Variants in YIPF1 observed in about 807,000 individuals in gnomAD.
YIPF1 encodes the protein protein YIPF1.
In YIPF1, 22 loss-of-function variants were observed where a neutral mutation model predicts 37.0. That is an observed-to-expected ratio of 0.59 (90% CI 0.42 to 0.85). The LOEUF (loss-of-function observed/expected upper bound fraction) is 0.85. YIPF1 is among the 40% of genes least tolerant of loss of function. YIPF1 has a pLI of 0.00. For synonymous variants in YIPF1, 128 were observed against 131.9 expected, an observed-to-expected ratio of 0.97 and a Z score of 0.21; for missense variants, 355 against 373.1, an observed-to-expected ratio of 0.95 and a Z score of 0.40.
At chr1:53,867,991 C>T (rs1429550058) in intron 7 of YIPF1, among the ~76,000 whole-genome samples, 2 of 152,168 alleles carry the variant, frequency 1.3e-5, no homozygotes, top group South Asian at 2.1e-4. Context: ...ATGGCACCAG[C>T]CCTTTCTACA....
intron 7 of YIPF1, among the ~76,000 whole-genome samples, chr1:53,867,270 T>C (rs1169792195): frequency 6.6e-6 from 1 of 152,172 alleles, no homozygotes; most frequent in Non-Finnish European, 1.5e-5. Flanking sequence ...ACTGCAAATG[T>C]TCATATATAG....
At chr1:53,875,743 C>T (rs1474427907) in intron 6 of YIPF1, among the ~76,000 whole-genome samples, 1 of 152,192 alleles carries the variant, frequency 6.6e-6, no homozygotes, top group Non-Finnish European at 1.5e-5. Context: ...GGCCTTTGCA[C>T]TTGCTGATCC....
Position 53,860,125 on chromosome 1 carries a change from T to C in YIPF1, c.860A>G (p.Asp287Gly). The C allele has an allele frequency of 6.2e-7, 1 of 1,614,098 alleles. No homozygotes were observed. The highest frequency in any genetic ancestry group is 8.5e-7 in the Non-Finnish European group (1 of 1,179,992). The part of the protein sequence containing the change: ...LAYFFDAPEM[D>G]HLPTTTATPN... The stretch of plus-strand genomic sequence containing the variant: ...AGTAGCTGTAGTTGTTGGGAGATGG[T>C]CCATCTCTGGTGCATCAAAAAAGTA... The change falls in exon 10 of 11, where the codon GAC becomes GGC. Residue 287 changes from aspartate to glycine, a missense_variant. By Grantham distance (94) the Asp-to-Gly change is moderately conservative. Coordinates refer to ENST00000072644, the MANE Select transcript of YIPF1 (RefSeq NM_018982.5).
chr1:53,869,002 A>T (rs919388400), intron 7 of YIPF1, among the ~76,000 whole-genome samples: 4 of 152,182 alleles, frequency 2.6e-5, no homozygotes, highest in African/African-American at 9.7e-5. Context: ...ATATTTACTG[A>T]ATTAAACTCA....
At chr1:53,886,261 G>C (rs968616381) in intron 3 of YIPF1, among the ~76,000 whole-genome samples, 1 of 151,880 alleles carries the variant, frequency 6.6e-6, no homozygotes, top group African/African-American at 2.4e-5. Context: ...GTGATGGAGG[G>C]ACAGTGACGG....
chr1:53,866,848 T>C lies in YIPF1; in HGVS notation c.558A>G (p.Arg186=). The change falls in exon 8 of 11, where the codon AGA becomes AGG. Residue 186 remains arginine (R), a synonymous_variant. Transcript: ENST00000072644. ...AGACGATGTTCATAACTTTGCTGTTTCTCCACATGAGGAAACCCCAGAGTG... is the reference window on the plus strand; with the variant it reads ...AGACGATGTTCATAACTTTGCTGTTCCTCCACATGAGGAAACCCCAGAGTG... ...PLALWGFLMW[R]NSKVMNIVSY... is the part of the protein sequence containing the mutation. The C allele has an allele frequency of 6.2e-7, 1 of 1,614,170 alleles. No homozygotes were observed. Among genetic ancestry groups the C allele is most frequent in the Non-Finnish European group, 8.5e-7 (1 of 1,180,020 alleles).
chr1:53,873,075 T>C (rs986007941), intron 6 of YIPF1, among the ~76,000 whole-genome samples: 2 of 152,176 alleles, frequency 1.3e-5, no homozygotes, highest in Non-Finnish European at 2.9e-5. Flanking sequence ...AATACCCAAA[T>C]AACTAGAAAA....
In YIPF1 at chr1:53,872,272, T is replaced by C. The variant is rs112472656; in HGVS notation, c.365-784A>G. On this transcript the variant is annotated intron_variant, in intron 6 of 10. Coordinates refer to ENST00000072644, the MANE Select transcript of YIPF1 (RefSeq NM_018982.5). ...GTAAGCAGTTTCTGATGAAACCTGC[T>C]AGGAATATTCCACTCATGTATATAA... 1.9e-3 allele frequency among the ~76,000 whole-genome samples: 285 copies of C among 152,264 alleles called. 1 individual carries two copies. Among genetic ancestry groups the C allele is most frequent in the African/African-American group, 6.6e-3 (274 of 41,542 alleles).
At chr1:53,869,757 C>T (rs1407393659) in intron 7 of YIPF1, among the ~76,000 whole-genome samples, 1 of 152,124 alleles carries the variant, frequency 6.6e-6, no homozygotes, top group Non-Finnish European at 1.5e-5. Context: ...CCAATACTGA[C>T]ATAAGAAAGG....
At chr1:53,874,977 T>C (rs1650296961) in intron 6 of YIPF1, among the ~76,000 whole-genome samples, 1 of 152,188 alleles carries the variant, frequency 6.6e-6, no homozygotes, top group Non-Finnish European at 1.5e-5. Context: ...TATTTGCTAT[T>C]ACAAGCAATA....
intron 6 of YIPF1, among the ~76,000 whole-genome samples, chr1:53,876,844 T>C (rs115448697): frequency 0.067 from 10,275 of 152,304 alleles, 479 homozygotes; most frequent in Non-Finnish European, 0.096. Context: ...TATATGTGTG[T>C]TTGCCATTAT....
At chr1:53,883,040 C>T in intron 4 of YIPF1, 73 bp downstream of exon 4, 2 of 1,482,180 alleles carry the variant, frequency 1.3e-6, no homozygotes, top group Middle Eastern at 2.4e-4. Flanking sequence ...ACCTGGCACA[C>T]AGTAGACAGT....
intron 3 of YIPF1, among the ~76,000 whole-genome samples, chr1:53,885,460 A>T (rs1360271374): frequency 6.6e-6 from 1 of 152,152 alleles, no homozygotes; most frequent in Non-Finnish European, 1.5e-5. Flanking sequence ...GTGAGCCGAG[A>T]TCGCACCACT....
At chr1:53,867,050 G>A (rs1650049791) in intron 7 of YIPF1, 126 bp from the exon 8 acceptor site, 7 of 1,117,556 alleles carry the variant, frequency 6.3e-6, no homozygotes, top group Non-Finnish European at 8.7e-6. Context: ...ACGGAATCAT[G>A]TCTTACTGGT....
chr1:53,866,929 G>C lies in YIPF1; in HGVS notation c.482-5C>G. 6.2e-7 allele frequency: 1 copy of C among 1,605,504 alleles called. No individual in the cohort carries two copies. The highest frequency in any genetic ancestry group is 1.1e-5 in the South Asian group (1 of 89,598). ...TGATGGTAGCTGCTATGGACACTGAGGATGACAGGACACAAGTTTCAATCT... is the reference window on the plus strand; with the variant it reads ...TGATGGTAGCTGCTATGGACACTGACGATGACAGGACACAAGTTTCAATCT... On this transcript the variant is annotated splice_polypyrimidine_tract_variant and splice_region_variant and intron_variant, in intron 7 of 10. Transcript: ENST00000072644.
intron 6 of YIPF1, among the ~76,000 whole-genome samples, chr1:53,872,187 C>G (rs1650210614): frequency 6.6e-6 from 1 of 152,064 alleles, no homozygotes; most frequent in Non-Finnish European, 1.5e-5. Context: ...TGGAGAACAG[C>G]AAGATCCACT....
chr1:53,862,311 T>C (rs1649904802), intron 9 of YIPF1, among the ~76,000 whole-genome samples: 1 of 152,206 alleles, frequency 6.6e-6, no homozygotes, highest in African/African-American at 2.4e-5. Flanking sequence ...GCTCTTCTAA[T>C]TCTCCAACAC....
chr1:53,864,581 G>A (rs981118253), intron 9 of YIPF1, among the ~76,000 whole-genome samples: 1 of 151,268 alleles, frequency 6.6e-6, no homozygotes, highest in Non-Finnish European at 1.5e-5. Context: ...ATCAAATGAT[G>A]CCAAAGAAAC....
In YIPF1 at chr1:53,860,219, A is replaced by G. The variant is rs1649833242; in HGVS notation, c.832-66T>C. On this transcript the variant is annotated intron_variant, in intron 9 of 10. Coordinates refer to ENST00000072644, the MANE Select transcript of YIPF1 (RefSeq NM_018982.5). ...GTGGTCCGGGTAAGTGTTTTTTTAGACTCCATGCTAACAGTACTTTTGGAC... is the reference window on the plus strand; with the variant it reads ...GTGGTCCGGGTAAGTGTTTTTTTAGGCTCCATGCTAACAGTACTTTTGGAC... The G allele has an allele frequency of 5.4e-6, 8 of 1,478,936 alleles. No homozygotes were observed. The Admixed American group carries it at 7.1e-5, about 13-fold the overall frequency. The allele number at this position is 1,478,936 out of a possible 1,614,324, so 91.6% of individuals were successfully genotyped here. A position where few individuals can be genotyped will look rare whatever the true frequency, so the allele number is the denominator to read the frequency against.
Sources: allele counts gnomAD v4.1 joint callset (sites outside exome capture counted in the v4.1 genomes callset), GRCh38; gene constraint gnomAD v4.1.1; transcripts MANE v1.5; gene names NCBI Gene and HGNC (gene_info 2026-07-23, HGNC 2026-07-21).